Variants in BRAF observed in about 807,000 individuals in gnomAD.
The protein encoded by BRAF is serine/threonine-protein kinase B-raf.
Under a neutral mutation model 104.6 loss-of-function variants are expected in BRAF, and 16 were observed. That is an observed-to-expected ratio of 0.15 (90% CI 0.10 to 0.23). The LOEUF is 0.23. BRAF is among the 10% of genes least tolerant of loss of function. The pLI, the probability that BRAF is intolerant of heterozygous loss-of-function variation, is 1.00. For synonymous variants in BRAF, 310 were observed against 341.6 expected (o/e 0.91, Z 1.02); for missense variants, 541 against 937.3 (o/e 0.58, Z 5.52).
intron 1 of BRAF, among the ~76,000 whole-genome samples, chr7:140,852,785 A>G (rs1809329433): frequency 6.6e-6 from 1 of 152,176 alleles, no homozygotes; most frequent in South Asian, 2.1e-4. Flanking sequence ...CCTAATAGGC[A>G]TTTCAAACTT....
At chr7:140,875,579 T>C (rs1812144538) in intron 1 of BRAF, among the ~76,000 whole-genome samples, 1 of 152,202 alleles carries the variant, frequency 6.6e-6, no homozygotes, top group Non-Finnish European at 1.5e-5. Context: ...GGTTTCACTA[T>C]GTTGGCCAGG....
rs536611654 is a variant in BRAF at position 140,852,872 on chromosome 7, G to A, written c.139-2660C>T. On this transcript the variant is annotated intron_variant, in intron 1 of 19. Transcript: ENST00000644969. ...GTTTTTCCTAGTCTCTTTACCTCAG[G>A]AAATAAGCTCCCTTCTTTGAGTAAA... is the stretch of plus-strand genomic sequence containing the variant. Among the ~76,000 whole-genome samples the A allele has an allele frequency of 1.1e-4, 16 of 152,174 alleles. No individual in the cohort carries two copies. The South Asian group carries it at 1.5e-3, about 14-fold the overall frequency.
chr7:140,912,497 T>C (rs1817095554), intron 1 of BRAF, among the ~76,000 whole-genome samples: 1 of 152,132 alleles, frequency 6.6e-6, no homozygotes, highest in Admixed American at 6.5e-5. Flanking sequence ...TTCTTCTCTC[T>C]CCCTCCTGAA....
intron 1 of BRAF, among the ~76,000 whole-genome samples, chr7:140,885,735 T>C (rs886609893): frequency 2.0e-5 from 3 of 152,212 alleles, no homozygotes; most frequent in African/African-American, 2.4e-5. Flanking sequence ...TATAATGTGA[T>C]AGTAATATGA....
chr7:140,725,259 T>C lies in BRAF; in HGVS notation c.*1235A>G. The stretch of plus-strand genomic sequence containing the variant: ...GAAACAATGAGATTATTAGCAAAGA[T>C]GTTAGTGTGGATCCAGCAAGTACCA... On this transcript the variant is annotated 3_prime_UTR_variant, in exon 20 of 20. Transcript: ENST00000644969. 2.9e-6 allele frequency: 3 copies of C among 1,044,666 alleles called. No individual in the cohort carries two copies. Among genetic ancestry groups the C allele is most frequent in the East Asian group, 5.6e-5 (1 of 17,700 alleles). The allele number at this position is 1,044,666 out of a possible 1,614,324, so 64.7% of individuals were successfully genotyped here.
At chr7:140,754,103 T>C (rs2128999310) in intron 15 of BRAF, 84 bp downstream of exon 14, 2 of 1,378,550 alleles carry the variant, frequency 1.5e-6, no homozygotes. Context: ...GCATGAAAAC[T>C]GTTTTTACAT....
chr7:140,762,603 GTTTTTT>G (rs774057622), intron 14 of BRAF, among the ~76,000 whole-genome samples: 1 of 96,216 alleles, frequency 1.0e-5, no homozygotes, highest in African/African-American at 3.5e-5. Context: ...TCCAGGAGCT[GTTTTTT>G]TTTTTTTTTT....
intron 1 of BRAF, among the ~76,000 whole-genome samples, chr7:140,877,017 C>A (rs957792628): frequency 6.6e-6 from 1 of 152,104 alleles, no homozygotes; most frequent in African/African-American, 2.4e-5. Context: ...TTAAACAGCA[C>A]ATTTCTAAAT....
intron 5 of BRAF, among the ~76,000 whole-genome samples, chr7:140,806,896 T>G (rs967279869): frequency 6.6e-6 from 1 of 152,146 alleles, no homozygotes; most frequent in South Asian, 2.1e-4. Flanking sequence ...TCATCTGCTT[T>G]AAGAGCCCAG....
intron 1 of BRAF, among the ~76,000 whole-genome samples, chr7:140,866,340 C>T (rs1054442158): frequency 6.6e-6 from 1 of 152,140 alleles, no homozygotes; most frequent in African/African-American, 2.4e-5. Context: ...AACCCTGGGA[C>T]ACCATTCCAG....
At chr7:140,764,056 C>T (rs551286146) in intron 14 of BRAF, among the ~76,000 whole-genome samples, 2 of 152,322 alleles carry the variant, frequency 1.3e-5, no homozygotes, top group East Asian at 3.9e-4. Flanking sequence ...CAATAAAGTA[C>T]TGGCAAACCG....
chr7:140,837,809 A>G (rs1172613218), intron 2 of BRAF, among the ~76,000 whole-genome samples: 2 of 152,202 alleles, frequency 1.3e-5, no homozygotes, highest in Non-Finnish European at 2.9e-5. Context: ...TGAAAATAAC[A>G]TTACCTTCAA....
At chr7:140,742,880 AAAAC>A (rs1186417070) in intron 17 of BRAF, among the ~76,000 whole-genome samples, 9 of 151,838 alleles carry the variant, frequency 5.9e-5, no homozygotes, top group African/African-American at 1.5e-4. Flanking sequence ...TTACAAGAAA[AAAAC>A]AAACAACCCC....
At chr7:140,733,619 G>A (rs1796153147) in intron 19 of BRAF, 1 of 152,218 alleles carries the variant, frequency 6.6e-6, no homozygotes, top group Admixed American at 6.5e-5. Context: ...GCTGGGCAAA[G>A]AATATAAGGA....
chr7:140,894,641 T>C (rs1814669963), intron 1 of BRAF, among the ~76,000 whole-genome samples: 2 of 151,904 alleles, frequency 1.3e-5, no homozygotes, highest in African/African-American at 4.8e-5. Flanking sequence ...GAGAATAAGA[T>C]TTATAAAAAA....
chr7:140,893,237 G>A (rs1282093768), intron 1 of BRAF, among the ~76,000 whole-genome samples: 1 of 151,112 alleles, frequency 6.6e-6, no homozygotes, highest in Non-Finnish European at 1.5e-5. Context: ...TCTCCCTGCT[G>A]TTCCCCATAA....
At chr7:140,914,269 TAAGGAGGGG>T (rs992537241) in intron 1 of BRAF, among the ~76,000 whole-genome samples, 17 of 152,134 alleles carry the variant, frequency 1.1e-4, no homozygotes, top group Non-Finnish European at 2.2e-4. Flanking sequence ...GTGCATACCA[TAAGGAGGGG>T]GAGGAGGATC....
intron 1 of BRAF, among the ~76,000 whole-genome samples, chr7:140,875,978 G>A (rs1000913424): frequency 1.1e-4 from 17 of 152,206 alleles, no homozygotes; most frequent in African/African-American, 2.4e-4. Flanking sequence ...AAATAATACC[G>A]GAAGGAAACC....
At chr7:140,886,450 GAT>G (rs1332866900) in intron 1 of BRAF, among the ~76,000 whole-genome samples, 1 of 152,156 alleles carries the variant, frequency 6.6e-6, no homozygotes, top group Non-Finnish European at 1.5e-5. Flanking sequence ...CAGAGTGCAA[GAT>G]CTGAAAAGAT....
Sources: gnomAD v4.1 joint callset for allele counts (sites outside exome capture counted in the v4.1 genomes callset) on GRCh38, gnomAD v4.1.1 for gene constraint, MANE v1.5 for transcripts, NCBI Gene and HGNC (gene_info 2026-07-23, HGNC 2026-07-21) for gene names.